DNAH11: variants seen among roughly 807,000 people sequenced by gnomAD.
The protein encoded by DNAH11 is axonemal beta dynein heavy chain 11.
DNAH11 carries 442 observed loss-of-function variants against 526.0 expected under a neutral mutation model. The ratio of observed to expected loss-of-function variants is 0.84; its 90% confidence interval spans 0.78 to 0.91. DNAH11 has a LOEUF of 0.91. Among genes scored for constraint, DNAH11 ranks in the 40% least tolerant of loss-of-function variants. The probability of loss-of-function intolerance (pLI) is 0.00; values close to 1 mark genes in which losing one functional copy is unlikely to be tolerated. For missense variants in DNAH11, 6,989 were observed against 5,448.7 expected, an observed-to-expected ratio of 1.28 and a Z score of -8.90; for synonymous variants, 2,461 against 1,935.9, an observed-to-expected ratio of 1.27 and a Z score of -7.12.
chr7:21,553,494 T>A (rs1189422593), intron 2 of DNAH11, among the ~76,000 whole-genome samples: 2 of 152,154 alleles, frequency 1.3e-5, no homozygotes, highest in African/African-American at 4.8e-5. Context: ...AAATGTCACT[T>A]CTTCTCCCTC....
chr7:21,670,185 A>G (rs1191648498), intron 30 of DNAH11, among the ~76,000 whole-genome samples: 1 of 152,034 alleles, frequency 6.6e-6, no homozygotes, highest in Non-Finnish European at 1.5e-5. Flanking sequence ...ATCTCTTTAT[A>G]TGGGTTTTCT....
At chr7:21,702,957 A>G (rs535766613) in intron 37 of DNAH11, among the ~76,000 whole-genome samples, 155 bp downstream of exon 37, 3 of 152,328 alleles carry the variant, frequency 2.0e-5, no homozygotes, top group African/African-American at 7.2e-5. Context: ...GGCGTTCCTT[A>G]TAAGAGGTCA....
In DNAH11 at chr7:21,635,807, C is replaced by A. The variant is rs536039956; in HGVS notation, c.4501-64C>A. 3 of 1,324,090 alleles carry A rather than the reference C, an allele frequency of 2.3e-6. No homozygotes were observed. In the African/African-American group the frequency reaches 4.4e-5, roughly 19 times the overall value. 82.0% of individuals were successfully genotyped at this position (1,324,090 alleles called of 1,614,324 possible). A position where few individuals can be genotyped will look rare whatever the true frequency, so the allele number is the denominator to read the frequency against. On this transcript the variant is annotated intron_variant, in intron 25 of 81. Coordinates refer to ENST00000409508, the MANE Select transcript of DNAH11 (RefSeq NM_001277115.2). ...AATAAACAGAGTAGATATAGTGCCT[C>A]CCTCATAGCACTCACATTCTACTAA...
rs1406127028 is a variant in DNAH11, at chr7:21,632,095, A to C, written c.4501-3776A>C. Reference sequence around the variant, plus strand: ...ACCACATGGAAGCTGCCAATGCTTGAGGTTTGCATCCTCTGAAGCCACGTC... The same window carrying C: ...ACCACATGGAAGCTGCCAATGCTTGCGGTTTGCATCCTCTGAAGCCACGTC... On this transcript the variant is annotated intron_variant, in intron 25 of 81. Transcript: ENST00000409508. Among the ~76,000 whole-genome samples, 6 of 152,174 alleles carry C rather than the reference A, an allele frequency of 3.9e-5. No individual in the cohort carries two copies. The South Asian group carries it at 1.2e-3, about 32-fold the overall frequency.
At chr7:21,757,765 T>C (rs1225506762) in intron 54 of DNAH11, among the ~76,000 whole-genome samples, 1 of 152,130 alleles carries the variant, frequency 6.6e-6, no homozygotes, top group African/African-American at 2.4e-5. Context: ...CAACAAAAAA[T>C]GTCAAGCACC....
chr7:21,683,736 C>T (rs1400793571), intron 31 of DNAH11, 48 bp from the exon 32 acceptor site: 3 of 1,475,620 alleles, frequency 2.0e-6, no homozygotes, highest in African/African-American at 2.8e-5. Flanking sequence ...TAACTTGTTG[C>T]CCCAAACTAC....
At position 21,543,397 on chromosome 7, in the gene DNAH11, G is replaced by A. The variant is rs753634502; in HGVS notation, c.152G>A (p.Arg51Gln). 5 of 1,552,898 alleles carry A rather than the reference G, an allele frequency of 3.2e-6. No homozygotes were observed. The East Asian group carries it at 1.2e-4, about 38-fold the overall frequency. The change falls in exon 1 of 82, where the codon CGG becomes CAG. Residue 51 changes from arginine (R) to glutamine (Q), a missense_variant. Arg to Gln is a conservative substitution (Grantham distance 43). Transcript: ENST00000409508. ...NEEEAAARRA[R>Q]SFAQDARVRF... Reference sequence around the variant, plus strand: ...GAGGAGGCGGCGGCCAGGAGAGCGCGGAGTTTCGCCCAAGACGCGCGGGTG... The same window carrying A: ...GAGGAGGCGGCGGCCAGGAGAGCGCAGAGTTTCGCCCAAGACGCGCGGGTG...
chr7:21,854,896 T>C (rs997268488), intron 68 of DNAH11, among the ~76,000 whole-genome samples: 23 of 152,134 alleles, frequency 1.5e-4, no homozygotes, highest in African/African-American at 5.6e-4. Context: ...GAGGATCTGG[T>C]TAACAAAATA....
Position 21,748,721 on chromosome 7 carries a change from C to A in DNAH11, c.8652C>A (p.Gly2884=). 5 of 1,613,278 alleles carry A rather than the reference C, an allele frequency of 3.1e-6. No individual in the cohort carries two copies. Among genetic ancestry groups the A allele is most frequent in the Non-Finnish European group, 4.2e-6 (5 of 1,179,500 alleles). ...LEVFQITLTE[G]YGIQELRVDL... is the part of the protein sequence containing the mutation. Reference sequence around the variant, plus strand: ...TCTTTCAGATCACTCTGACCGAGGGCTATGGAATCCAGGAACTTCGGGTGA... The same window carrying A: ...TCTTTCAGATCACTCTGACCGAGGGATATGGAATCCAGGAACTTCGGGTGA... Residue 2884 remains glycine (G), a synonymous_variant, in exon 52 of 82, where the codon GGC becomes GGA. Coordinates refer to ENST00000409508, the MANE Select transcript of DNAH11 (RefSeq NM_001277115.2).
chr7:21,591,837 T>C (rs1180906985), intron 14 of DNAH11, among the ~76,000 whole-genome samples: 1 of 152,186 alleles, frequency 6.6e-6, no homozygotes, highest in African/African-American at 2.4e-5. Flanking sequence ...AGAATCTTTA[T>C]CTTGTCACAG....
chr7:21,880,993 TA>T (rs1783904376), intron 75 of DNAH11, 100 bp downstream of exon 75: 9 of 1,109,412 alleles, frequency 8.1e-6, no homozygotes, highest in Non-Finnish European at 1.1e-5. Context: ...TTGAAGCTAT[TA>T]TTGAAATAGC....
chr7:21,647,029 A>G (rs1376229877), intron 28 of DNAH11, among the ~76,000 whole-genome samples: 1 of 152,198 alleles, frequency 6.6e-6, no homozygotes, highest in African/African-American at 2.4e-5. Flanking sequence ...GACTTAGCCA[A>G]TAAGATATTA....
rs188162506 is a variant in DNAH11, at chr7:21,558,802, A to G, written c.496A>G (p.Ile166Val). 24 of 1,569,848 alleles carry G rather than the reference A, an allele frequency of 1.5e-5. No homozygotes were observed. Among genetic ancestry groups the G allele is most frequent in the Admixed American group, 1.0e-4 (5 of 49,310 alleles). The change falls in exon 3 of 82, where the codon ATT becomes GTT. Residue 166 changes from isoleucine (I) to valine (V), a missense_variant and splice_region_variant. By Grantham distance (29) the Ile-to-Val change is conservative. Coordinates refer to ENST00000409508, the MANE Select transcript of DNAH11 (RefSeq NM_001277115.2). ...TTTAACTATGTTTCTCTTTCTCTAGATTTTAGTGCCAGTTCTTTCTAATAA... is the reference window on the plus strand; with the variant it reads ...TTTAACTATGTTTCTCTTTCTCTAGGTTTTAGTGCCAGTTCTTTCTAATAA... ...LGHVSAFLDE[I>V]LVPVLSNKNN...
At chr7:21,687,586 A>G (rs568521981) in intron 34 of DNAH11, 59 bp downstream of exon 34, 1 of 1,564,966 alleles carries the variant, frequency 6.4e-7, no homozygotes, top group East Asian at 2.3e-5. Context: ...TAATGCAGGT[A>G]ACCTCCCCTT....
At chr7:21,661,332 A>G (rs1461841152) in intron 30 of DNAH11, among the ~76,000 whole-genome samples, 1 of 151,976 alleles carries the variant, frequency 6.6e-6, no homozygotes, top group African/African-American at 2.4e-5. Context: ...TCTATAGAAT[A>G]TATTTTAGGA....
intron 53 of DNAH11, 79 bp from the exon 54 acceptor site, chr7:21,750,143 C>T: frequency 6.9e-7 from 1 of 1,455,332 alleles, no homozygotes; most frequent in Non-Finnish European, 9.1e-7. Context: ...TCTTGTAAAA[C>T]ATTTCAAACG....
chr7:21,727,834 T>C (rs967880220), intron 45 of DNAH11, among the ~76,000 whole-genome samples: 2 of 152,174 alleles, frequency 1.3e-5, no homozygotes, highest in African/African-American at 4.8e-5. Context: ...TTTCTCAAAG[T>C]TCTAGAGGCT....
At chr7:21,597,557 C>T (rs1784905126) in intron 14 of DNAH11, among the ~76,000 whole-genome samples, 2 of 152,048 alleles carry the variant, frequency 1.3e-5, no homozygotes, top group Non-Finnish European at 2.9e-5. Flanking sequence ...AAGCAAGGTC[C>T]GTCTTACATG....
At chr7:21,825,959 C>CAAAAAAAA (rs56255077) in intron 65 of DNAH11, among the ~76,000 whole-genome samples, 10 of 68,298 alleles carry the variant, frequency 1.5e-4, no homozygotes, top group African/African-American at 5.2e-4. Flanking sequence ...ACTCTGTCTC[C>CAAAAAAAA]AAAAAAAAAA....
Sources: gnomAD v4.1 joint callset for allele counts (sites outside exome capture counted in the v4.1 genomes callset) on GRCh38, gnomAD v4.1.1 for gene constraint, MANE v1.5 for transcripts, NCBI Gene and HGNC (gene_info 2026-07-23, HGNC 2026-07-21) for gene names.